Variants in UMODL1 observed in about 807,000 individuals in gnomAD.
UMODL1 encodes the protein uromodulin-like 1.
UMODL1 carries 128 observed loss-of-function variants against 136.3 expected under a neutral mutation model. The ratio of observed to expected loss-of-function variants is 0.94; its 90% confidence interval spans 0.81 to 1.09. The LOEUF (loss-of-function observed/expected upper bound fraction) is 1.09, where lower values mean the gene tolerates loss of function less well. Among genes scored for constraint, UMODL1 ranks in the 50% least tolerant of loss-of-function variants. UMODL1 has a pLI of 0.00. For missense variants in UMODL1, 1,766 were observed against 1,725.6 expected (o/e 1.02, Z -0.41); for synonymous variants, 721 against 720.0 (o/e 1.00, Z -0.02).
intron 13 of UMODL1, 73 bp from the exon 14 acceptor site, chr21:42,115,800 T>A: frequency 8.2e-7 from 1 of 1,224,852 alleles, no homozygotes; most frequent in Non-Finnish European, 1.2e-6. Context: ...AAAATACATT[T>A]ATTAATATTG....
chr21:42,081,673 A>G (rs887187469), intron 2 of UMODL1, among the ~76,000 whole-genome samples: 1 of 152,192 alleles, frequency 6.6e-6, no homozygotes, highest in Non-Finnish European at 1.5e-5. Flanking sequence ...GGGAAGTTGC[A>G]AAGATAATGC....
In UMODL1 at chr21:42,121,111, AGGACGACT is replaced by A; in HGVS notation, c.2716_2723del (p.Asp906CysfsTer16). 1 of 1,613,900 alleles carries A rather than the reference AGGACGACT, an allele frequency of 6.2e-7. No individual in the cohort carries two copies. The highest frequency in any genetic ancestry group is 8.5e-7 in the Non-Finnish European group (1 of 1,179,914). On this transcript the variant is annotated frameshift_variant, in exon 16 of 23. Transcript: ENST00000408910. LOFTEE classifies it high-confidence loss of function. Reference sequence around the variant, plus strand: ...GATTACGATGAGTGTGAAAGGAAGGAGGACGACTGTGTGCCGGGGACATCCTGTCGAAA... The same window carrying A: ...GATTACGATGAGTGTGAAAGGAAGGAGTGTGCCGGGGACATCCTGTCGAAA...
intron 1 of UMODL1, among the ~76,000 whole-genome samples, chr21:42,064,170 C>G (rs1009864646): frequency 1.3e-5 from 2 of 152,104 alleles, no homozygotes; most frequent in African/African-American, 2.4e-5. Flanking sequence ...GTTTCTCTGC[C>G]GGCCGTGCCT....
chr21:42,109,247 G>C (rs1471582909), intron 9 of UMODL1, among the ~76,000 whole-genome samples: 1 of 152,208 alleles, frequency 6.6e-6, no homozygotes, highest in Non-Finnish European at 1.5e-5. Flanking sequence ...ATCAAAGAGA[G>C]AGGAGAAAAC....
At chr21:42,095,655 C>A (rs964504848) in intron 6 of UMODL1, among the ~76,000 whole-genome samples, 3 of 152,188 alleles carry the variant, frequency 2.0e-5, no homozygotes, top group Non-Finnish European at 4.4e-5. Context: ...GACTTGATAT[C>A]TTTGAAGCTC....
rs554831783 is a variant in UMODL1, at chr21:42,096,505, C to G, written c.932-2421C>G. 1.1e-4 allele frequency among the ~76,000 whole-genome samples: 16 copies of G among 152,318 alleles called. No homozygotes were observed. In the South Asian group the frequency reaches 2.1e-3, roughly 20 times the overall value. ...TGAGACTTCTTTCCAAACACCATTC[C>G]TCTGCGTTCTTTTCAAATAAGTACG... On this transcript the variant is annotated intron_variant, in intron 6 of 22. Transcript: ENST00000408910.
intron 1 of UMODL1, among the ~76,000 whole-genome samples, chr21:42,074,626 G>A (rs2066266920): frequency 6.6e-6 from 1 of 152,216 alleles, no homozygotes; most frequent in African/African-American, 2.4e-5. Flanking sequence ...CCAGGCTCCA[G>A]TGAGAGATAT....
chr21:42,111,751 G>T, intron 12 of UMODL1, 41 bp downstream of exon 12: 1 of 1,544,238 alleles, frequency 6.5e-7, no homozygotes, highest in Non-Finnish European at 8.8e-7. Context: ...GGACTAATAG[G>T]ACCCATAGCC....
Position 42,113,764 on chromosome 21 carries a change from C to T in UMODL1, c.2296C>T (p.Leu766=). Residue 766 remains leucine (L), a synonymous_variant, in exon 13 of 23, where the codon CTG becomes TTG. Coordinates refer to ENST00000408910, the MANE Select transcript of UMODL1 (RefSeq NM_001004416.3). Reference sequence around the variant, plus strand: ...GGGGCTGGAGCCTGGGGTCTTGCACCTGGTTGAGATCATGGCCAAAGCATG... The same window carrying T: ...GGGGCTGGAGCCTGGGGTCTTGCACTTGGTTGAGATCATGGCCAAAGCATG... ...LSGLEPGVLH[L]VEIMAKACGK... is the part of the protein sequence containing the mutation. 6.2e-7 allele frequency: 1 copy of T among 1,614,048 alleles called. No homozygotes were observed. Among genetic ancestry groups the T allele is most frequent in the Non-Finnish European group, 8.5e-7 (1 of 1,180,026 alleles).
Position 42,110,877 on chromosome 21 carries a change from C to G in UMODL1, c.1658-3C>G, listed in dbSNP as rs1482796812. The G allele has an allele frequency of 6.3e-7, 1 of 1,597,898 alleles. No individual in the cohort carries two copies. The highest frequency in any genetic ancestry group is 2.3e-5 in the East Asian group (1 of 44,420). ...GGCTCTGACAGTGGATGTGTCTTGG[C>G]AGGTGACCTGGTGAGCCCCATGGGC... On this transcript the variant is annotated splice_region_variant and splice_polypyrimidine_tract_variant and intron_variant, in intron 10 of 22. Transcript: ENST00000408910.
rs938646683 is a variant in UMODL1, at chr21:42,122,296, C to T, written c.2828-535C>T. Among the ~76,000 whole-genome samples the T allele has an allele frequency of 2.0e-5, 3 of 152,056 alleles. No homozygotes were observed. Among genetic ancestry groups the T allele is most frequent in the Non-Finnish European group, 4.4e-5 (3 of 68,010 alleles). ...TTTCCGGGCCCCTTGTTCTCCTAGG[C>T]ATTGAAACTGAACCTGCTCTGGGGG... On this transcript the variant is annotated intron_variant, in intron 16 of 22. Transcript: ENST00000408910. The surrounding 1 kb of genome is among the most constrained non-coding windows in gnomAD (Gnocchi z 4.3).
At chr21:42,121,371 G>C (rs1036116594) in intron 16 of UMODL1, 147 bp downstream of exon 16, 7 of 634,436 alleles carry the variant, frequency 1.1e-5, no homozygotes, top group Non-Finnish European at 1.5e-5. Flanking sequence ...GGGTGCACGT[G>C]TGTGTGTGTG....
chr21:42,103,452 C>T (rs1226361467), intron 8 of UMODL1: 2 of 356,482 alleles, frequency 5.6e-6, no homozygotes, highest in Non-Finnish European at 1.1e-5. Flanking sequence ...TGGGATACAG[C>T]CTAGTAAGAG....
At chr21:42,119,381 G>A in intron 15 of UMODL1, 57 bp downstream of exon 15, 1 of 1,524,984 alleles carries the variant, frequency 6.6e-7, no homozygotes, top group South Asian at 1.1e-5. Context: ...GCAGCCAGAG[G>A]GCAGCCACCA....
chr21:42,127,201 C>T lies in UMODL1; in HGVS notation c.3489C>T (p.Ser1163=), dbSNP rs768576128. Residue 1163 remains serine, a synonymous_variant, in exon 19 of 23, where the codon AGC becomes AGT. Transcript: ENST00000408910. ...CGGAGTGCTGGGCAACCCCGTCTAG[C>T]AACGCCCGGGACCCCATCACCTTCA... ...VLTECWATPS[S]NARDPITFSF... 4 of 1,614,082 alleles carry T rather than the reference C, an allele frequency of 2.5e-6. No homozygotes were observed. The Admixed American group carries it at 6.7e-5, about 27-fold the overall frequency.
chr21:42,089,871 G>A (rs2066469632), intron 5 of UMODL1, among the ~76,000 whole-genome samples: 1 of 152,214 alleles, frequency 6.6e-6, no homozygotes, highest in Non-Finnish European at 1.5e-5. Flanking sequence ...GCTGTGAGAT[G>A]GTTCTGTTTG....
rs2066417452 is a variant in UMODL1, at chr21:42,085,604, C to T, written c.603+192C>T. On this transcript the variant is annotated intron_variant, in intron 4 of 22. Coordinates refer to ENST00000408910, the MANE Select transcript of UMODL1 (RefSeq NM_001004416.3). The surrounding 1 kb of genome is among the most constrained non-coding windows in gnomAD (Gnocchi z 4.5). ...TCAAAGAGGTATGATTTACATGCAACAAAATGCACACAACTGAAGCGTGTA... is the reference window on the plus strand; with the variant it reads ...TCAAAGAGGTATGATTTACATGCAATAAAATGCACACAACTGAAGCGTGTA... The T allele has an allele frequency of 1.3e-6, 1 of 776,344 alleles. No homozygotes were observed. Among genetic ancestry groups the T allele is most frequent in the Admixed American group, 2.7e-5 (1 of 37,636 alleles). 48.1% of individuals were successfully genotyped at this position (776,344 alleles called of 1,614,324 possible).
At chr21:42,073,029 CGCGT>C (rs1205143405) in intron 1 of UMODL1, among the ~76,000 whole-genome samples, 1 of 151,954 alleles carries the variant, frequency 6.6e-6, no homozygotes, top group Non-Finnish European at 1.5e-5. Context: ...TGTGCGCGCG[CGCGT>C]GTGTGTGTGT....
In UMODL1 at chr21:42,088,374, G is replaced by T. The variant is rs186783229; in HGVS notation, c.684G>T (p.Ser228=). ...SAPGNASTTV[S]RLLLGLPRPL... Reference sequence around the variant, plus strand: ...CTGGGAACGCCTCCACCACAGTGTCGCGGCTGCTACTGGGCCTGCCACGGC... The same window carrying T: ...CTGGGAACGCCTCCACCACAGTGTCTCGGCTGCTACTGGGCCTGCCACGGC... The change falls in exon 5 of 23, where the codon TCG becomes TCT. Residue 228 remains serine (S), a synonymous_variant. Transcript: ENST00000408910. 1.9e-6 allele frequency: 3 copies of T among 1,613,808 alleles called. No homozygotes were observed. The highest frequency in any genetic ancestry group is 2.5e-6 in the Non-Finnish European group (3 of 1,179,998).
Sources: gnomAD v4.1 joint callset for allele counts (sites outside exome capture counted in the v4.1 genomes callset) on GRCh38, gnomAD v4.1.1 for gene constraint, Gnocchi (gnomAD v3.1) non-coding constraint, MANE v1.5 for transcripts, NCBI Gene and HGNC (gene_info 2026-07-23, HGNC 2026-07-21) for gene names.